TXNDC15: variants seen among roughly 807,000 people sequenced by gnomAD.
The protein encoded by TXNDC15 is thioredoxin domain containing 15.
A neutral mutation model predicts 35.0 loss-of-function variants in TXNDC15; 24 were observed. The observed-to-expected ratio is 0.68, with a 90% CI of 0.50 to 0.96. The LOEUF is 0.96. Ranked by LOEUF, TXNDC15 falls within the 40% of genes least tolerant of loss-of-function variation. The pLI, the probability that TXNDC15 is intolerant of heterozygous loss-of-function variation, is 0.00. For synonymous variants in TXNDC15, 169 were observed against 174.0 expected, an observed-to-expected ratio of 0.97 and a Z score of 0.23; for missense variants, 385 against 453.3, an observed-to-expected ratio of 0.85 and a Z score of 1.37.
At chr5:134,896,951 C>CT (rs1327516206) in intron 4 of TXNDC15, among the ~76,000 whole-genome samples, 8 of 144,540 alleles carry the variant, frequency 5.5e-5, no homozygotes, top group African/African-American at 1.0e-4. Context: ...CCTTTTTTTC[C>CT]TTTTTTTTGA....
intron 1 of TXNDC15, among the ~76,000 whole-genome samples, chr5:134,882,869 G>A (rs1750188406): frequency 1.3e-5 from 2 of 152,288 alleles, no homozygotes; most frequent in South Asian, 4.1e-4. Context: ...GGGAGAGGGA[G>A]AGCTGGACAG....
At chr5:134,885,366 G>A (rs922295684) in intron 1 of TXNDC15, among the ~76,000 whole-genome samples, 1 of 152,302 alleles carries the variant, frequency 6.6e-6, no homozygotes, top group East Asian at 1.9e-4. Flanking sequence ...AGGTCCTTTT[G>A]TATACTCTAC....
Position 134,894,238 on chromosome 5 carries a change from G to T in TXNDC15, c.755+583G>T, listed in dbSNP as rs114907746. Among the ~76,000 whole-genome samples, 20 of 151,848 alleles carry T rather than the reference G, an allele frequency of 1.3e-4. No individual in the cohort carries two copies. In the East Asian group the frequency reaches 3.9e-3, roughly 29 times the overall value. On this transcript the variant is annotated intron_variant, in intron 3 of 4. Coordinates refer to ENST00000358387, the MANE Select transcript of TXNDC15 (RefSeq NM_024715.4). ...CATTTATCTTTGTTTTATATTTCTCGTGTATCATTCACTGGGTTTTTGTCC... is the reference window on the plus strand; with the variant it reads ...CATTTATCTTTGTTTTATATTTCTCTTGTATCATTCACTGGGTTTTTGTCC...
At chr5:134,874,357 C>G, upstream of TXNDC15, 3 of 1,355,268 alleles carry the variant, frequency 2.2e-6, no homozygotes, top group Non-Finnish European at 3.0e-6. Context: ...CCAGGCTCTC[C>G]TCCCCCAGCC....
intron 4 of TXNDC15, among the ~76,000 whole-genome samples, chr5:134,898,610 A>G (rs544727760): frequency 6.6e-6 from 1 of 152,298 alleles, no homozygotes; most frequent in East Asian, 1.9e-4. Context: ...AGCTAGTCCA[A>G]GTCTTGTCAT....
chr5:134,889,108 T>G (rs1387727103), intron 2 of TXNDC15, among the ~76,000 whole-genome samples: 2 of 152,242 alleles, frequency 1.3e-5, no homozygotes, highest in South Asian at 2.1e-4. Flanking sequence ...CATCCACTCC[T>G]GAGTGCCTGT....
chr5:134,882,418 G>C (rs1039900871), intron 1 of TXNDC15, among the ~76,000 whole-genome samples: 1 of 152,270 alleles, frequency 6.6e-6, no homozygotes, highest in Non-Finnish European at 1.5e-5. Flanking sequence ...AGGCAGAGAC[G>C]CTCCTCACTT....
Position 134,899,848 on chromosome 5 carries a change from G to A in TXNDC15, c.*163G>A. ...TGAATGTATAAAAAAATTATAAACT[G>A]GTGTTTTAACTAGTATTGCAATAAG... is the stretch of plus-strand genomic sequence containing the variant. On this transcript the variant is annotated 3_prime_UTR_variant, in exon 5 of 5. Coordinates refer to ENST00000358387, the MANE Select transcript of TXNDC15 (RefSeq NM_024715.4). 1.0e-5 allele frequency: 6 copies of A among 588,424 alleles called. No homozygotes were observed. The highest frequency in any genetic ancestry group is 6.3e-5 in the South Asian group (2 of 31,616). 36.5% of individuals were successfully genotyped at this position (588,424 alleles called of 1,614,324 possible). A position where few individuals can be genotyped will look rare whatever the true frequency, so the allele number is the denominator to read the frequency against.
At chr5:134,885,865 AG>A (rs1750265777) in intron 1 of TXNDC15, among the ~76,000 whole-genome samples, 1 of 152,140 alleles carries the variant, frequency 6.6e-6, no homozygotes, top group Non-Finnish European at 1.5e-5. Context: ...TGGTTGTTTC[AG>A]TAGGTAAGGT....
chr5:134,899,493 A>G lies in TXNDC15; in HGVS notation c.891A>G (p.Ile297Met), dbSNP rs1255924036. 1 of 1,610,330 alleles carries G rather than the reference A, an allele frequency of 6.2e-7. No homozygotes were observed. Among genetic ancestry groups the G allele is most frequent in the Non-Finnish European group, 8.5e-7 (1 of 1,179,268 alleles). The change falls in exon 5 of 5, where the codon ATA (isoleucine) becomes ATG (methionine). Residue 297 changes from isoleucine (I) to methionine (M), a missense_variant. By Grantham distance (10) the Ile-to-Met change is conservative (BLOSUM62 1). Transcript: ENST00000358387. Reference protein sequence around the residue: ...LKIFIFNQTGIEAKKNVVVTQ... With the variant: ...LKIFIFNQTGMEAKKNVVVTQ... ...AACCAGTGATTTTTCTTTCAGGTAT[A>G]GAAGCCAAGAAGAATGTGGTGGTAA...
chr5:134,896,107 C>G (rs948280453), intron 3 of TXNDC15, 187 bp from the exon 4 acceptor site: 42 of 526,096 alleles, frequency 8.0e-5, no homozygotes, highest in Non-Finnish European at 1.2e-4. Context: ...AAGGAGTGCC[C>G]CCCAGCCATG....
At chr5:134,889,643 T>C (rs1750349128) in intron 2 of TXNDC15, among the ~76,000 whole-genome samples, 1 of 152,224 alleles carries the variant, frequency 6.6e-6, no homozygotes, top group Non-Finnish European at 1.5e-5. Flanking sequence ...CCTCTAATAA[T>C]TCCATTTTAG....
intron 1 of TXNDC15, among the ~76,000 whole-genome samples, chr5:134,879,948 G>T (rs542286747): frequency 6.6e-6 from 1 of 151,902 alleles, no homozygotes; most frequent in African/African-American, 2.4e-5. Context: ...GGTGCATGCC[G>T]CCACATCTGG....
At chr5:134,882,331 C>T (rs1176497671) in intron 1 of TXNDC15, among the ~76,000 whole-genome samples, 5 of 151,332 alleles carry the variant, frequency 3.3e-5, no homozygotes, top group Admixed American at 1.3e-4. Flanking sequence ...GGATGGCGGC[C>T]GGGCAGAGAT....
intron 1 of TXNDC15, among the ~76,000 whole-genome samples, chr5:134,883,519 A>T (rs1265833054): frequency 6.7e-6 from 1 of 148,938 alleles, no homozygotes; most frequent in Non-Finnish European, 1.5e-5. Context: ...AGGTGGTAGA[A>T]TCGCTTGAAC....
chr5:134,891,675 A>G (rs959037034), intron 2 of TXNDC15, among the ~76,000 whole-genome samples: 2 of 152,202 alleles, frequency 1.3e-5, no homozygotes, highest in African/African-American at 4.8e-5. Context: ...CTGTAATCCC[A>G]GTACTTTCAG....
intron 4 of TXNDC15, 96 bp downstream of exon 4, chr5:134,896,520 A>G (rs1377966410): frequency 5.4e-6 from 8 of 1,479,952 alleles, no homozygotes; most frequent in Non-Finnish European, 7.3e-6. Flanking sequence ...TAAGTGAAGG[A>G]TTCAAGACTG....
chr5:134,882,859 G>A (rs1048648403), intron 1 of TXNDC15, among the ~76,000 whole-genome samples: 2 of 152,184 alleles, frequency 1.3e-5, no homozygotes, highest in African/African-American at 2.4e-5. Flanking sequence ...GAGGGGGAGA[G>A]GGAGAGGGAG....
intron 1 of TXNDC15, among the ~76,000 whole-genome samples, chr5:134,886,496 A>G (rs532177323): frequency 4.6e-5 from 7 of 152,354 alleles, no homozygotes; most frequent in Admixed American, 2.0e-4. Flanking sequence ...GAGTTGGGTA[A>G]ATAGATGTAC....
Sources: allele counts gnomAD v4.1 joint callset (sites outside exome capture counted in the v4.1 genomes callset), GRCh38; gene constraint gnomAD v4.1.1; transcripts MANE v1.5; gene names NCBI Gene and HGNC (gene_info 2026-07-23, HGNC 2026-07-21).